The following VAC14 variants were observed in gnomAD, a reference collection of about 807,000 sequenced individuals.
The protein encoded by VAC14 is VAC14 component of PIKFYVE complex, also known as protein VAC14 homolog.
In VAC14, 47 loss-of-function variants were observed where a neutral mutation model predicts 85.3. The ratio of observed to expected loss-of-function variants is 0.55; its 90% confidence interval spans 0.44 to 0.70. VAC14 has a LOEUF of 0.70. Ranked by LOEUF, VAC14 falls within the 30% of genes least tolerant of loss-of-function variation. VAC14 has a pLI of 0.00. For synonymous variants in VAC14, 447 were observed against 430.5 expected (o/e 1.04, Z -0.47); for missense variants, 861 against 1,004.3 (o/e 0.86, Z 1.93).
chr16:70,701,604 C>T (rs949285565), intron 14 of VAC14, among the ~76,000 whole-genome samples: 10 of 152,148 alleles, frequency 6.6e-5, no homozygotes, highest in Admixed American at 2.6e-4. Flanking sequence ...TCAGGATCTG[C>T]CTCCTGCTGC....
chr16:70,727,332 ATTTATTTATT>A (rs2054458489), intron 14 of VAC14, among the ~76,000 whole-genome samples: 1 of 151,930 alleles, frequency 6.6e-6, no homozygotes, highest in Non-Finnish European at 1.5e-5. Flanking sequence ...CTCTTTATTT[ATTTATTTATT>A]TTTATTTATT....
intron 12 of VAC14, among the ~76,000 whole-genome samples, chr16:70,759,480 T>C (rs1376425461): frequency 6.6e-6 from 1 of 151,888 alleles, no homozygotes; most frequent in African/African-American, 2.4e-5. Flanking sequence ...TGCAAAAAGT[T>C]AGTCAGGTGT....
At chr16:70,731,761 A>C in intron 13 of VAC14, 134 bp from the exon 14 acceptor site, 1 of 976,086 alleles carries the variant, frequency 1.0e-6, no homozygotes, top group Non-Finnish European at 1.4e-6. Context: ...ATGAGGGAAA[A>C]TCTCTAATCA....
At chr16:70,691,292 C>T (rs1567517708) in intron 18 of VAC14, 6 of 985,410 alleles carry the variant, frequency 6.1e-6, no homozygotes, top group Non-Finnish European at 6.0e-6. Flanking sequence ...GGAAGGCAGG[C>T]TGGTTCCCAC....
chr16:70,732,241 T>C (rs2054613011), intron 13 of VAC14, among the ~76,000 whole-genome samples: 1 of 152,108 alleles, frequency 6.6e-6, no homozygotes, highest in South Asian at 2.1e-4. Context: ...TTACAAAGTG[T>C]TTTAAACTTT....
chr16:70,711,281 G>C (rs545534385), intron 14 of VAC14, among the ~76,000 whole-genome samples: 1 of 152,168 alleles, frequency 6.6e-6, no homozygotes, highest in Non-Finnish European at 1.5e-5. Context: ...AGGCCTGATC[G>C]CTTCAGGCAT....
chr16:70,736,990 C>T (rs2054776655), intron 13 of VAC14, among the ~76,000 whole-genome samples: 1 of 152,164 alleles, frequency 6.6e-6, no homozygotes, highest in Admixed American at 6.5e-5. Flanking sequence ...CTCAGTGGCC[C>T]CCATCGCCCC....
chr16:70,784,729 G>A (rs377196468), intron 4 of VAC14, 47 bp downstream of exon 4: 15 of 1,543,544 alleles, frequency 9.7e-6, no homozygotes, highest in Non-Finnish European at 1.3e-5. Context: ...ACAGACAGAC[G>A]GGAGAAACAG....
At chr16:70,758,427 T>C (rs1404301341) in intron 12 of VAC14, among the ~76,000 whole-genome samples, 1 of 152,184 alleles carries the variant, frequency 6.6e-6, no homozygotes, top group East Asian at 1.9e-4. Flanking sequence ...GTCTGGGATG[T>C]TCACGTTCAC....
rs201839483 is a variant in VAC14 at position 70,697,114 on chromosome 16, C to T, written c.1955+25G>A. On this transcript the variant is annotated intron_variant, in intron 16 of 18. Coordinates refer to ENST00000261776, the MANE Select transcript of VAC14 (RefSeq NM_018052.5). ...CTTCCTGCCCCTCAGAGGCTCAACCCCAACCACAGTGAGAGGAAGGATACA... is the reference window on the plus strand; with the variant it reads ...CTTCCTGCCCCTCAGAGGCTCAACCTCAACCACAGTGAGAGGAAGGATACA... 279 of 1,598,590 alleles carry T rather than the reference C, an allele frequency of 1.7e-4. 1 individual carries two copies. Among genetic ancestry groups the T allele is most frequent in the Admixed American group, 6.0e-4 (36 of 59,802 alleles).
chr16:70,724,617 CG>C (rs2054376242), intron 14 of VAC14, among the ~76,000 whole-genome samples: 1 of 152,154 alleles, frequency 6.6e-6, no homozygotes, highest in East Asian at 1.9e-4. Context: ...GATGAGAAGC[CG>C]GGAGCCGGTT....
chr16:70,745,613 G>A (rs2030817824), intron 12 of VAC14, among the ~76,000 whole-genome samples: 1 of 152,192 alleles, frequency 6.6e-6, no homozygotes, highest in Non-Finnish European at 1.5e-5. Context: ...TATCCTGCAG[G>A]GAACTCCTCA....
intron 18 of VAC14, chr16:70,689,229 T>A (rs969489637): frequency 1.0e-6 from 1 of 984,542 alleles, no homozygotes; most frequent in East Asian, 1.1e-4. Flanking sequence ...GCTGCCAAGA[T>A]GCCTTGACAC....
chr16:70,701,121 C>T (rs1013502479), intron 14 of VAC14, among the ~76,000 whole-genome samples: 3 of 152,152 alleles, frequency 2.0e-5, no homozygotes, highest in African/African-American at 4.8e-5. Context: ...ACCAGTGATA[C>T]CACCCTCTCC....
At chr16:70,702,251 A>C (rs1777868027) in intron 14 of VAC14, among the ~76,000 whole-genome samples, 2 of 150,866 alleles carry the variant, frequency 1.3e-5, no homozygotes, top group African/African-American at 4.9e-5. Context: ...CCCTGCCCAG[A>C]TCTTGCACTC....
chr16:70,738,689 C>T (rs2029953247), intron 13 of VAC14, among the ~76,000 whole-genome samples: 1 of 152,226 alleles, frequency 6.6e-6, no homozygotes, highest in Non-Finnish European at 1.5e-5. Context: ...CCGGGGGCCT[C>T]AGGCTCAGGT....
At chr16:70,752,088 T>C (rs1243596587) in intron 12 of VAC14, among the ~76,000 whole-genome samples, 1 of 152,216 alleles carries the variant, frequency 6.6e-6, no homozygotes, top group South Asian at 2.1e-4. Flanking sequence ...TAAAAAAAAA[T>C]CATAAATCTT....
Position 70,784,690 on chromosome 16 carries a change from C to CATTCCCAATGACAGA in VAC14, c.486+71_486+85dup. On this transcript the variant is annotated intron_variant, in intron 4 of 18. Coordinates refer to ENST00000261776, the MANE Select transcript of VAC14 (RefSeq NM_018052.5). ...AAATATATTTTAAATTCAAGAAGAA[C>CATTCCCAATGACAGA]ATTCCCAATGACAGAATTTCTAAGC... is the stretch of plus-strand genomic sequence containing the variant. 7.9e-6 allele frequency: 10 copies of CATTCCCAATGACAGA among 1,259,648 alleles called. No homozygotes were observed. The South Asian group carries it at 1.1e-4, about 14-fold the overall frequency. 78.0% of individuals were successfully genotyped at this position (1,259,648 alleles called of 1,614,324 possible).
rs1048978671 is a variant in VAC14, at chr16:70,688,064, G to A, written c.2213C>T (p.Ser738Phe). 2 of 1,593,058 alleles carry A rather than the reference G, an allele frequency of 1.3e-6. No individual in the cohort carries two copies. The highest frequency in any genetic ancestry group is 1.7e-6 in the Non-Finnish European group (2 of 1,167,510). Reference sequence around the variant, plus strand: ...GATGCTAGGGGAGTCAGCTTTCTGGGACTTGGGGGCTGCCTTTAGACTGTC... The same window carrying A: ...GATGCTAGGGGAGTCAGCTTTCTGGAACTTGGGGGCTGCCTTTAGACTGTC... ...TEDSLKAAPKSQKADSPSIDY... is the reference protein window; with the variant it reads ...TEDSLKAAPKFQKADSPSIDY... The change falls in exon 19 of 19, where the codon TCC becomes TTC. Residue 738 changes from serine (S) to phenylalanine (F), a missense_variant. This residue lies in a region of VAC14 where 163 missense variants were observed against 162.2 expected (regional missense o/e 1.00). Coordinates refer to ENST00000261776, the MANE Select transcript of VAC14 (RefSeq NM_018052.5).
Sources: gnomAD v4.1 joint callset for allele counts (sites outside exome capture counted in the v4.1 genomes callset) on GRCh38, gnomAD v4.1.1 for gene constraint, gnomAD v4.1.1 regional missense constraint, MANE v1.5 for transcripts, NCBI Gene and HGNC (gene_info 2026-07-23, HGNC 2026-07-21) for gene names.